The following RBFOX3 variants were observed in gnomAD, a reference collection of about 807,000 sequenced individuals.
RBFOX3 encodes RNA binding protein fox-1 homolog 3.
In RBFOX3, 17 loss-of-function variants were observed where a neutral mutation model predicts 48.7. That is an observed-to-expected ratio of 0.35 (90% confidence interval 0.24 to 0.52). RBFOX3 has a LOEUF of 0.52. Among genes scored for constraint, RBFOX3 ranks in the 20% least tolerant of loss-of-function variants. RBFOX3 has a pLI of 0.94. For missense variants in RBFOX3, 382 were observed against 497.5 expected, an observed-to-expected ratio of 0.77 and a Z score of 2.21; for synonymous variants, 212 against 209.5, an observed-to-expected ratio of 1.01 and a Z score of -0.10.
At chr17:79,152,118 C>A (rs4993716) in intron 4 of RBFOX3, among the ~76,000 whole-genome samples, 97,574 of 151,558 alleles carry the variant, frequency 0.64, 31,755 homozygotes, top group Non-Finnish European at 0.69. Flanking sequence ...CCAGTCTCAA[C>A]TGGGAGCCTG....
intron 2 of RBFOX3, among the ~76,000 whole-genome samples, chr17:79,310,399 G>A (rs1337364149): frequency 1.3e-5 from 2 of 152,108 alleles, no homozygotes; most frequent in Admixed American, 6.6e-5. Flanking sequence ...ACCAGGGCGA[G>A]ACCTCCTCTG....
chr17:79,499,413 C>T (rs1555776329), intron 1 of RBFOX3, among the ~76,000 whole-genome samples: 1 of 152,066 alleles, frequency 6.6e-6, no homozygotes, highest in Admixed American at 6.6e-5. Context: ...ATCCATGCAT[C>T]CAACCTTCCA....
At chr17:79,331,450 C>T (rs1243612055) in intron 2 of RBFOX3, among the ~76,000 whole-genome samples, 2 of 152,184 alleles carry the variant, frequency 1.3e-5, no homozygotes, top group African/African-American at 4.8e-5. Flanking sequence ...AAGACCCACC[C>T]CAAGCTGAAC....
At position 79,249,956 on chromosome 17, in the gene RBFOX3, C is replaced by G. The variant is rs1016795661; in HGVS notation, c.-73-14151G>C. On this transcript the variant is annotated intron_variant, in intron 3 of 14. Coordinates refer to ENST00000693108, the MANE Select transcript of RBFOX3 (RefSeq NM_001350451.2). The surrounding 1 kb of genome is among the most constrained non-coding windows in gnomAD (Gnocchi z 4.1). ...TAGCTGCACCTGCCGGCATCCCTGG[C>G]ATCGCTTTGGCTCTTGCGAGAGGGA... Among the ~76,000 whole-genome samples, 25 of 152,332 alleles carry G rather than the reference C, an allele frequency of 1.6e-4. No homozygotes were observed. The highest frequency in any genetic ancestry group is 9.8e-4 in the Admixed American group (15 of 15,302).
intron 4 of RBFOX3, among the ~76,000 whole-genome samples, chr17:79,194,870 A>G (rs1471819774): frequency 2.0e-5 from 3 of 151,978 alleles, no homozygotes; most frequent in East Asian, 1.9e-4. Flanking sequence ...GATCATATTC[A>G]GGTATATTGG....
At chr17:79,394,366 C>T (rs2061731176) in intron 2 of RBFOX3, among the ~76,000 whole-genome samples, 2 of 152,188 alleles carry the variant, frequency 1.3e-5, no homozygotes, top group South Asian at 4.1e-4. Context: ...CCAGCCAAGC[C>T]CCCATCTCCA....
chr17:79,382,875 C>A (rs916847100), intron 2 of RBFOX3, among the ~76,000 whole-genome samples: 5 of 152,186 alleles, frequency 3.3e-5, no homozygotes, highest in Non-Finnish European at 7.3e-5. Flanking sequence ...TTTCCAGAAC[C>A]TTGCTGACCT....
At chr17:79,238,178 C>T (rs2061866777) in intron 3 of RBFOX3, among the ~76,000 whole-genome samples, 1 of 152,194 alleles carries the variant, frequency 6.6e-6, no homozygotes, top group African/African-American at 2.4e-5. Flanking sequence ...CTCAGGTGAT[C>T]CACCTGCCTC....
chr17:79,440,676 G>A, intron 2 of RBFOX3, among the ~76,000 whole-genome samples: 1 of 152,142 alleles, frequency 6.6e-6, no homozygotes, highest in East Asian at 1.9e-4. Flanking sequence ...CTGTGAGAAA[G>A]CCTCACCCGC....
At position 79,199,917 on chromosome 17, in the gene RBFOX3, T is replaced by G. The variant is rs1256471937; in HGVS notation, c.-34+35849A>C. 6.6e-6 allele frequency among the ~76,000 whole-genome samples: 1 copy of G among 152,076 alleles called. No homozygotes were observed. The highest frequency in any genetic ancestry group is 1.5e-5 in the Non-Finnish European group (1 of 67,998). ...GGCTCACGCCTGTAATCCCAGCACT[T>G]TGGGAGGCCGAGGTGGGTGGATCAC... On this transcript the variant is annotated intron_variant, in intron 4 of 14. Coordinates refer to ENST00000693108, the MANE Select transcript of RBFOX3 (RefSeq NM_001350451.2). The surrounding 1 kb of genome is among the most constrained non-coding windows in gnomAD (Gnocchi z 5.1).
intron 4 of RBFOX3, among the ~76,000 whole-genome samples, chr17:79,196,738 C>A (rs920837833): frequency 6.6e-6 from 1 of 152,176 alleles, no homozygotes; most frequent in Non-Finnish European, 1.5e-5. Flanking sequence ...TGGAGTGGAA[C>A]GTTCCACTGA....
the RBFOX3 span, among the ~76,000 whole-genome samples, chr17:79,642,894 A>T: frequency 2.0e-5 from 3 of 152,206 alleles, no homozygotes; most frequent in Non-Finnish European, 4.4e-5. Context: ...AGCACTTTTT[A>T]AAAGGCTTAA....
chr17:79,383,136 C>T (rs990825710), intron 2 of RBFOX3, among the ~76,000 whole-genome samples: 4 of 151,598 alleles, frequency 2.6e-5, no homozygotes, highest in African/African-American at 9.7e-5. Flanking sequence ...TGATTATTGT[C>T]CTCTTGAGAT....
intron 1 of RBFOX3, among the ~76,000 whole-genome samples, chr17:79,603,388 T>C (rs1319284969): frequency 6.6e-6 from 1 of 152,140 alleles, no homozygotes; most frequent in Non-Finnish European, 1.5e-5. Flanking sequence ...AGCCCTGTTA[T>C]CCCCTGGATG....
intron 4 of RBFOX3, among the ~76,000 whole-genome samples, chr17:79,200,041 T>C (rs565327387): frequency 8.6e-5 from 13 of 151,840 alleles, no homozygotes; most frequent in African/African-American, 2.9e-4. Context: ...CACATGCCTG[T>C]AATCCCAGCT....
intron 3 of RBFOX3, among the ~76,000 whole-genome samples, chr17:79,295,315 T>C (rs1317342090): frequency 6.6e-6 from 1 of 152,228 alleles, no homozygotes; most frequent in Non-Finnish European, 1.5e-5. Flanking sequence ...TGGAGCATGT[T>C]AAGGATGAGA....
chr17:79,617,601 C>T, the RBFOX3 span, among the ~76,000 whole-genome samples: 2 of 152,206 alleles, frequency 1.3e-5, no homozygotes, highest in African/African-American at 4.8e-5. Context: ...CTCTTCTCTC[C>T]CGAGGTTGCA....
chr17:79,306,383 G>A (rs2076103579), intron 3 of RBFOX3, among the ~76,000 whole-genome samples: 1 of 152,260 alleles, frequency 6.6e-6, no homozygotes, highest in South Asian at 2.1e-4. Context: ...CCGCACGCGT[G>A]TGACTCTCTT....
chr17:79,169,663 C>G (rs2048737742), intron 4 of RBFOX3, among the ~76,000 whole-genome samples: 1 of 152,202 alleles, frequency 6.6e-6, no homozygotes, highest in Non-Finnish European at 1.5e-5. Context: ...GGCAAATCCA[C>G]AGAGGCTGGC....
Sources: allele counts gnomAD v4.1 joint callset (sites outside exome capture counted in the v4.1 genomes callset), GRCh38; gene constraint gnomAD v4.1.1; non-coding constraint Gnocchi (gnomAD v3.1); transcripts MANE v1.5; gene names NCBI Gene and HGNC (gene_info 2026-07-23, HGNC 2026-07-21).